Variants in EML3 observed in about 807,000 individuals in gnomAD.
EML3 encodes the protein EMAP like 3.
A neutral mutation model predicts 106.7 loss-of-function variants in EML3; 53 were observed. The observed-to-expected ratio is 0.50, with a 90% CI of 0.40 to 0.62. The LOEUF is 0.62. EML3 is among the 20% of genes least tolerant of loss of function. EML3 has a pLI of 0.00. For missense variants in EML3, 994 were observed against 1,209.1 expected, an observed-to-expected ratio of 0.82 and a Z score of 2.64; for synonymous variants, 499 against 489.6, an observed-to-expected ratio of 1.02 and a Z score of -0.25.
In EML3 at chr11:62,603,243, G is replaced by A. The variant is rs527676386; in HGVS notation, c.2262C>T (p.Asp754=). The A allele has an allele frequency of 9.3e-6, 15 of 1,613,388 alleles. No homozygotes were observed. In the East Asian group the frequency reaches 2.7e-4, roughly 29 times the overall value. Residue 754 remains aspartate (D), a synonymous_variant, in exon 20 of 22, where the codon GAC becomes GAT. Transcript: ENST00000394773. Reference sequence around the variant, plus strand: ...TCAGCTGCTTGCAGCCTCCAGCCACGTCCCCTGGGGAGAGGGAGCCCGCCC... The same window carrying A: ...TCAGCTGCTTGCAGCCTCCAGCCACATCCCCTGGGGAGAGGGAGCCCGCCC... The part of the protein sequence containing the change: ...NSGDYEILYW[D]VAGGCKQLKN...
intron 1 of EML3, 154 bp from the exon 2 acceptor site, chr11:62,611,750 T>C: frequency 1.2e-6 from 1 of 857,586 alleles, no homozygotes; most frequent in Non-Finnish European, 1.7e-6. Context: ...GAGGAGACGG[T>C]GGTAAAGGAT....
chr11:62,611,045 C>T, intron 3 of EML3, 42 bp downstream of exon 3: 1 of 1,604,844 alleles, frequency 6.2e-7, no homozygotes, highest in Non-Finnish European at 8.5e-7. Flanking sequence ...TGCAATCCTA[C>T]CACCCCTCCC....
intron 4 of EML3, among the ~76,000 whole-genome samples, 155 bp from the exon 5 acceptor site, chr11:62,609,851 G>A (rs1453040791): frequency 6.6e-6 from 1 of 152,200 alleles, no homozygotes; most frequent in East Asian, 1.9e-4. Flanking sequence ...AGTAGATGGA[G>A]ACTTCTAGTT....
At chr11:62,607,544 A>C in intron 11 of EML3, 122 bp downstream of exon 11, 2 of 1,013,650 alleles carry the variant, frequency 2.0e-6, no homozygotes, top group South Asian at 4.3e-5. Context: ...TCTCAAAAGA[A>C]AAAAAAAAAA....
At chr11:62,606,246 TG>T in intron 12 of EML3, 32 bp from the exon 13 acceptor site, 2 of 1,606,232 alleles carry the variant, frequency 1.2e-6, no homozygotes, top group East Asian at 4.5e-5. Context: ...GATCATGTTT[TG>T]GGGGTGCAGG....
chr11:62,612,075 G>C lies in EML3; in HGVS notation c.22+361C>G, dbSNP rs556905044. On this transcript the variant is annotated intron_variant, in intron 1 of 21. Coordinates refer to ENST00000394773, the MANE Select transcript of EML3 (RefSeq NM_153265.3). ...CCCAGAGTACAAGAAAAGAGATCCA[G>C]AGTGACAGGAGAGAGTGTGAGTGGT... The C allele has an allele frequency of 9.5e-5, 39 of 409,606 alleles. No individual in the cohort carries two copies. The East Asian group carries it at 1.7e-3, about 18-fold the overall frequency. The allele number at this position is 409,606 out of a possible 1,614,324, so 25.4% of individuals were successfully genotyped here.
At position 62,602,449 on chromosome 11, in the gene EML3, G is replaced by T; in HGVS notation, c.*26C>A. 6.5e-7 allele frequency: 1 copy of T among 1,545,070 alleles called. No homozygotes were observed. Among genetic ancestry groups the T allele is most frequent in the South Asian group, 1.2e-5 (1 of 83,894 alleles). ...AGGGCGGGGCGGGGCCACGCCGCCGGGCCAGTCGGTCCCGCCAGGCAGCGA... is the reference window on the plus strand; with the variant it reads ...AGGGCGGGGCGGGGCCACGCCGCCGTGCCAGTCGGTCCCGCCAGGCAGCGA... On this transcript the variant is annotated 3_prime_UTR_variant, in exon 22 of 22. Transcript: ENST00000394773.
rs574927899 is a variant in EML3, at chr11:62,609,598, C to G, written c.634+31G>C. On this transcript the variant is annotated intron_variant, in intron 5 of 21. Coordinates refer to ENST00000394773, the MANE Select transcript of EML3 (RefSeq NM_153265.3). Reference sequence around the variant, plus strand: ...CAGCCCAAATCCTAACCCTGCCATCCAAGTTTTCCTCTCTGTCCCTCTTTA... The same window carrying G: ...CAGCCCAAATCCTAACCCTGCCATCGAAGTTTTCCTCTCTGTCCCTCTTTA... 5.6e-6 allele frequency: 9 copies of G among 1,593,638 alleles called. No homozygotes were observed. The South Asian group carries it at 1.0e-4, about 18-fold the overall frequency.
intron 20 of EML3, 114 bp from the exon 21 acceptor site, chr11:62,603,003 A>C: frequency 1.4e-6 from 2 of 1,467,796 alleles, no homozygotes; most frequent in South Asian, 2.6e-5. Flanking sequence ...CGTTCCAGGC[A>C]AGCCTTCCCG....
chr11:62,612,191 G>C (rs146198224), intron 1 of EML3: 6,811 of 516,800 alleles, frequency 0.013, 86 homozygotes, highest in Middle Eastern at 0.046. Flanking sequence ...GAGTAACGCA[G>C]GGGGCAGGGA....
chr11:62,607,877 T>G, intron 10 of EML3, 56 bp from the exon 11 acceptor site: 1 of 1,574,742 alleles, frequency 6.4e-7, no homozygotes, highest in African/African-American at 1.4e-5. Context: ...TTCATTCTAC[T>G]TGACTCTCCT....
rs1381391694 is a variant in EML3 at position 62,604,163 on chromosome 11, G to A, written c.2021C>T (p.Ser674Phe). The stretch of plus-strand genomic sequence containing the variant: ...CTGCTCATTGCCATCAATGACATCA[G>A]ACACGATCTCTCTGGTCTCTGTGTC... ...VLDTETREIV[S>F]DVIDGNEQLS... Residue 674 changes from serine to phenylalanine, a missense_variant, in exon 17 of 22, where the codon TCT becomes TTT. Around this residue, in one of 3 missense-constraint regions of EML3, gnomAD observed 713 missense variants for 920.5 expected, o/e 0.77. Transcript: ENST00000394773. 2 of 1,613,998 alleles carry A rather than the reference G, an allele frequency of 1.2e-6. No homozygotes were observed. The highest frequency in any genetic ancestry group is 1.7e-5 in the Admixed American group (1 of 60,012).
chr11:62,607,748 G>A lies in EML3; in HGVS notation c.1280C>T (p.Ser427Phe). The change falls in exon 11 of 22, where the codon TCT becomes TTT. Residue 427 changes from serine to phenylalanine, a missense_variant. By Grantham distance (155) the Ser-to-Phe change is radical. This residue lies in a region of EML3 where 713 missense variants were observed against 920.5 expected (regional missense o/e 0.77). Coordinates refer to ENST00000394773, the MANE Select transcript of EML3 (RefSeq NM_153265.3). ...ACTCCAATTCCAGAAGTGGACGTGAGATTTCCCACTGGTGACGATGCAGCT... is the reference window on the plus strand; with the variant it reads ...ACTCCAATTCCAGAAGTGGACGTGAAATTTCCCACTGGTGACGATGCAGCT... ...DSSCIVTSGK[S>F]HVHFWNWSGG... 1.2e-6 allele frequency: 2 copies of A among 1,614,034 alleles called. No individual in the cohort carries two copies. Among genetic ancestry groups the A allele is most frequent in the Non-Finnish European group, 1.7e-6 (2 of 1,179,992 alleles).
At position 62,607,030 on chromosome 11, in the gene EML3, A is replaced by T; in HGVS notation, c.1432T>A (p.Ser478Thr). Residue 478 changes from serine (S) to threonine (T), a missense_variant, in exon 12 of 22, where the codon TCA (serine) becomes ACA (threonine). By Grantham distance (58) the Ser-to-Thr change is moderately conservative (BLOSUM62 1). Coordinates refer to ENST00000394773, the MANE Select transcript of EML3 (RefSeq NM_153265.3). ...LPDGDILTGD[S>T]EGNILTWGRS... is the part of the protein sequence containing the mutation. ...CCCCAGGTGAGAATGTTCCCCTCTG[A>T]GTCTCCAGTGAGAATGTCTCCATCC... 1 of 1,614,154 alleles carries T rather than the reference A, an allele frequency of 6.2e-7. No homozygotes were observed. Among genetic ancestry groups the T allele is most frequent in the East Asian group, 2.2e-5 (1 of 44,880 alleles).
Position 62,602,486 on chromosome 11 carries a change from G to C in EML3, c.2680C>G (p.Leu894Val), listed in dbSNP as rs774796923. 14 of 1,535,244 alleles carry C rather than the reference G, an allele frequency of 9.1e-6. No individual in the cohort carries two copies. The South Asian group carries it at 9.7e-5, about 11-fold the overall frequency. ...CCGCCAGGCAGCGATCAAACGTCGA[G>C]GGAGGAGGCGGGGGACAGGGAGGGG... ...RTPSLSPASS[L>V]DV is the part of the protein sequence containing the mutation. The change falls in exon 22 of 22, where the codon CTC (leucine) becomes GTC (valine). Residue 894 changes from leucine to valine, a missense_variant. By Grantham distance (32) the Leu-to-Val change is conservative (BLOSUM62 1). This residue lies in a region of EML3 where 713 missense variants were observed against 920.5 expected (regional missense o/e 0.77). Transcript: ENST00000394773.
Position 62,605,462 on chromosome 11 carries a change from C to T in EML3, c.1914+180G>A, listed in dbSNP as rs1942460540. ...GGCGGCAGGGAGTGCCCAGGTGGTA[C>T]TAGAAGCATCAGCTTTTACCAGTCA... On this transcript the variant is annotated intron_variant, in intron 15 of 21. Coordinates refer to ENST00000394773, the MANE Select transcript of EML3 (RefSeq NM_153265.3). This position sits in a 1 kb window ranked among gnomAD's most constrained non-coding sequence, Gnocchi z 5.2. The T allele has an allele frequency of 1.1e-6, 1 of 910,174 alleles. No homozygotes were observed. 56.4% of individuals were successfully genotyped at this position (910,174 alleles called of 1,614,324 possible). A position where few individuals can be genotyped will look rare whatever the true frequency, so the allele number is the denominator to read the frequency against.
chr11:62,609,213 T>G (rs1942688031), intron 6 of EML3, 81 bp from the exon 7 acceptor site: 10 of 1,591,144 alleles, frequency 6.3e-6, no homozygotes, highest in Non-Finnish European at 8.6e-6. Context: ...AGCTTCTGGC[T>G]GGCAGGGCCT....
At chr11:62,604,958 C>T in intron 16 of EML3, 155 bp downstream of exon 16, 1 of 559,434 alleles carries the variant, frequency 1.8e-6, no homozygotes, top group Non-Finnish European at 3.0e-6. Context: ...AGGAGGGGAG[C>T]CCGGGTGGCA....
At position 62,608,742 on chromosome 11, in the gene EML3, A is replaced by G. The variant is rs1383295621; in HGVS notation, c.993T>C (p.Asp331=). The G allele has an allele frequency of 6.2e-7, 1 of 1,607,180 alleles. No individual in the cohort carries two copies. Among genetic ancestry groups the G allele is most frequent in the Non-Finnish European group, 8.5e-7 (1 of 1,175,728 alleles). Residue 331 remains aspartate (D), a synonymous_variant, in exon 8 of 22, where the codon GAT becomes GAC. Transcript: ENST00000394773. The stretch of plus-strand genomic sequence containing the variant: ...TCCCTGACTTTGGCCTTACCTTTCC[A>G]TCCTTATCCACTCCAGCTGTCTGTC... ...ASGQTAGVDK[D]GKPLQPVVHI...
Sources: allele counts gnomAD v4.1 joint callset (sites outside exome capture counted in the v4.1 genomes callset), GRCh38; gene constraint gnomAD v4.1.1; regional missense constraint gnomAD v4.1.1; non-coding constraint Gnocchi (gnomAD v3.1); transcripts MANE v1.5; gene names NCBI Gene and HGNC (gene_info 2026-07-23, HGNC 2026-07-21).